The following TPPP variants were observed in gnomAD, a reference collection of about 807,000 sequenced individuals.
The protein encoded by TPPP is tubulin polymerization-promoting protein.
A neutral mutation model predicts 15.5 loss-of-function variants in TPPP; 6 were observed. The observed-to-expected ratio is 0.39, with a 90% confidence interval of 0.21 to 0.77. TPPP has a LOEUF of 0.77. TPPP is among the 30% of genes least tolerant of loss of function. The pLI, the probability that TPPP is intolerant of heterozygous loss-of-function variation, is 0.42. For missense variants in TPPP, 269 were observed against 307.2 expected, an observed-to-expected ratio of 0.88 and a Z score of 0.93; for synonymous variants, 146 against 133.9, an observed-to-expected ratio of 1.09 and a Z score of -0.63.
upstream of TPPP, among the ~76,000 whole-genome samples, chr5:693,874 G>T (rs1474509354): frequency 6.7e-6 from 1 of 149,538 alleles, no homozygotes; most frequent in African/African-American, 2.5e-5. Context: ...GCCGGGCTGT[G>T]AGGGTGCTCG....
Position 664,729 on chromosome 5 carries a change from G to A in TPPP, c.*373C>T, listed in dbSNP as rs748230415. On this transcript the variant is annotated 3_prime_UTR_variant, in exon 4 of 4. Transcript: ENST00000360578. ...CTGCCACCCTCAGGGCTCCTGGAAG[G>A]TGTCTGCCGCTCAGGAGGTCAGCAC... is the stretch of plus-strand genomic sequence containing the variant. 3 of 215,888 alleles carry A rather than the reference G, an allele frequency of 1.4e-5. No homozygotes were observed. The highest frequency in any genetic ancestry group is 2.8e-5 in the Non-Finnish European group (3 of 107,434). The allele number at this position is 215,888 out of a possible 1,614,324, so 13.4% of individuals were successfully genotyped here. A position where few individuals can be genotyped will look rare whatever the true frequency, so the allele number is the denominator to read the frequency against.
intron 2 of TPPP, 100 bp from the exon 3 acceptor site, chr5:666,223 G>GCCCACAGGCTTCA (rs1739907108): frequency 7.2e-7 from 1 of 1,397,188 alleles, no homozygotes; most frequent in Non-Finnish European, 9.7e-7. Context: ...TGGCCCAGCA[G>GCCCACAGGCTTCA]CCCACAGGCT....
chr5:667,977 CAGAGAGGGGGCCG>C (rs1335343221), intron 2 of TPPP, among the ~76,000 whole-genome samples: 25 of 48,468 alleles, frequency 5.2e-4, no homozygotes, highest in Admixed American at 1.4e-3. Context: ...GACAAGCACA[CAGAGAGGGGGCCG>C]TGTGGGCGCC....
the TPPP span, among the ~76,000 whole-genome samples, chr5:699,652 A>G: frequency 6.6e-6 from 1 of 151,922 alleles, no homozygotes; most frequent in Non-Finnish European, 1.5e-5. Context: ...GCACAGCAAA[A>G]GAAACTATCA....
intron 2 of TPPP, among the ~76,000 whole-genome samples, chr5:671,579 G>C (rs1580082296): frequency 6.6e-6 from 1 of 152,240 alleles, no homozygotes; most frequent in South Asian, 2.1e-4. Context: ...ACGGGTGCCT[G>C]TCGCCGCACA....
At chr5:697,411 C>T (rs1441955272), upstream of TPPP, among the ~76,000 whole-genome samples, 1 of 151,238 alleles carries the variant, frequency 6.6e-6, no homozygotes, top group East Asian at 1.9e-4. Context: ...AACAGGACAG[C>T]GTGCTGGGAA....
chr5:693,675 G>C (rs1740961025), upstream of TPPP, among the ~76,000 whole-genome samples: 1 of 151,548 alleles, frequency 6.6e-6, no homozygotes, highest in Non-Finnish European at 1.5e-5. Context: ...GGGCCCCCCG[G>C]GGACGACCGG....
At position 663,246 on chromosome 5, in the gene TPPP, T is replaced by G. The variant is rs1176844073; in HGVS notation, c.*1856A>C. 3 of 152,300 alleles carry G rather than the reference T, an allele frequency of 2.0e-5. No individual in the cohort carries two copies. Among genetic ancestry groups the G allele is most frequent in the Non-Finnish European group, 4.4e-5 (3 of 68,030 alleles). 9.4% of individuals were successfully genotyped at this position (152,300 alleles called of 1,614,324 possible). A position where few individuals can be genotyped will look rare whatever the true frequency, so the allele number is the denominator to read the frequency against. ...ATTCCGAACCGCACATTCAGAGTTG[T>G]TTTCAAATGTTTCCGCACGTTAGTT... is the stretch of plus-strand genomic sequence containing the variant. On this transcript the variant is annotated 3_prime_UTR_variant, in exon 4 of 4. Transcript: ENST00000360578.
chr5:672,246 C>T (rs547848686), intron 2 of TPPP, among the ~76,000 whole-genome samples: 17 of 152,270 alleles, frequency 1.1e-4, no homozygotes, highest in African/African-American at 2.6e-4. Context: ...CCTCCACGCT[C>T]GGGGCAACCG....
intron 2 of TPPP, among the ~76,000 whole-genome samples, chr5:668,539 TCAGA>T (rs144471120): frequency 0.12 from 18,630 of 151,802 alleles, 1,459 homozygotes; most frequent in Non-Finnish European, 0.18. Flanking sequence ...TCCAGGGGGC[TCAGA>T]CAATCAAATA....
intron 2 of TPPP, chr5:676,070 G>C (rs1034935572): frequency 1.3e-5 from 2 of 152,228 alleles, no homozygotes; most frequent in African/African-American, 4.8e-5. Flanking sequence ...CGCTGGCCCT[G>C]GTTGCCTCTG....
Position 674,830 on chromosome 5 carries a change from C to T in TPPP, c.311+2920G>A, listed in dbSNP as rs1435174563. On this transcript the variant is annotated intron_variant, in intron 2 of 3. Transcript: ENST00000360578. ...TCCTCCAGGCAGCGGCTGACATAAG[C>T]CCTGTGGATGATGTGGGAGCTCCAG... 3.3e-5 allele frequency among the ~76,000 whole-genome samples: 5 copies of T among 151,860 alleles called. No individual in the cohort carries two copies. In the East Asian group the frequency reaches 9.8e-4, roughly 30 times the overall value.
At chr5:671,419 G>A (rs1246374020) in intron 2 of TPPP, among the ~76,000 whole-genome samples, 1 of 152,152 alleles carries the variant, frequency 6.6e-6, no homozygotes, top group Admixed American at 6.5e-5. Context: ...CCCAGTCTCG[G>A]CCTGGGCAGG....
chr5:686,238 G>A (rs1221314502), intron 1 of TPPP, among the ~76,000 whole-genome samples: 2 of 152,266 alleles, frequency 1.3e-5, no homozygotes, highest in South Asian at 2.1e-4. Flanking sequence ...GAGACTCGGC[G>A]GCTGCAGATG....
chr5:670,802 T>G (rs1408006131), intron 2 of TPPP, among the ~76,000 whole-genome samples: 3 of 151,898 alleles, frequency 2.0e-5, no homozygotes, highest in African/African-American at 7.3e-5. Context: ...CCGACAGAGG[T>G]CGGTGGCAAG....
chr5:668,827 T>C (rs980600133), intron 2 of TPPP, among the ~76,000 whole-genome samples: 3 of 152,222 alleles, frequency 2.0e-5, no homozygotes, highest in Non-Finnish European at 2.9e-5. Context: ...TGTGCGCACG[T>C]GGACAGCACC....
chr5:699,888 G>C, the TPPP span, among the ~76,000 whole-genome samples: 102,045 of 147,062 alleles, frequency 0.69, 31,977 homozygotes, highest in African/African-American at 0.74. Flanking sequence ...ATTAAAATCT[G>C]AATGCAATAC....
At chr5:694,034 G>A (rs1446862307), upstream of TPPP, among the ~76,000 whole-genome samples, 72,764 of 119,142 alleles carry the variant, frequency 0.61, 19,487 homozygotes, top group Non-Finnish European at 0.69. Flanking sequence ...GTGGAGGAGC[G>A]GAGCGCGCAC....
At chr5:686,334 C>T (rs577862852) in intron 1 of TPPP, among the ~76,000 whole-genome samples, 18 of 152,354 alleles carry the variant, frequency 1.2e-4, no homozygotes, top group East Asian at 5.8e-4. Context: ...AGGACACAGC[C>T]GGGGCTCTCA....
Sources: allele counts gnomAD v4.1 joint callset (sites outside exome capture counted in the v4.1 genomes callset), GRCh38; gene constraint gnomAD v4.1.1; transcripts MANE v1.5; gene names NCBI Gene and HGNC (gene_info 2026-07-23, HGNC 2026-07-21).